ITGA11: variants seen among roughly 807,000 people sequenced by gnomAD.
ITGA11 encodes the protein integrin alpha-11.
ITGA11 carries 97 observed loss-of-function variants against 141.9 expected under a neutral mutation model. That is an observed-to-expected ratio of 0.68 (90% CI 0.58 to 0.81). The LOEUF is 0.81. Ranked by LOEUF, ITGA11 falls within the 30% of genes least tolerant of loss-of-function variation. The pLI is 0.00. For missense variants in ITGA11, 1,387 were observed against 1,559.2 expected (o/e 0.89, Z 1.86); for synonymous variants, 658 against 624.6 (o/e 1.05, Z -0.80).
At chr15:68,354,288 T>C (rs534744137) in intron 7 of ITGA11, among the ~76,000 whole-genome samples, 61 of 152,298 alleles carry the variant, frequency 4.0e-4, no homozygotes, top group Non-Finnish European at 7.6e-4. Flanking sequence ...GTGAGGCACA[T>C]AGTAGAGGCT....
In ITGA11 at chr15:68,407,614, A is replaced by C. The variant is rs575934369; in HGVS notation, c.53-4585T>G. 3.3e-5 allele frequency among the ~76,000 whole-genome samples: 5 copies of C among 152,280 alleles called. No individual in the cohort carries two copies. In the East Asian group the frequency reaches 7.7e-4, roughly 23 times the overall value. On this transcript the variant is annotated intron_variant, in intron 1 of 29. Coordinates refer to ENST00000315757, the MANE Select transcript of ITGA11 (RefSeq NM_001004439.2). ...TGGGAGCCTGGTTGGGCAGCTTGCC[A>C]CTGTTCTGCCCTTGATATTGATGAC...
At chr15:68,331,486 A>T (rs1041737299) in intron 14 of ITGA11, among the ~76,000 whole-genome samples, 1 of 151,776 alleles carries the variant, frequency 6.6e-6, no homozygotes, top group African/African-American at 2.4e-5. Context: ...TGAGGTGGGC[A>T]TGGTTTCTAG....
In ITGA11 at chr15:68,348,900, C is replaced by T. The variant is rs370530350; in HGVS notation, c.1061G>A (p.Gly354Asp). ...AAAGGAGGTCTCGTTCTTGTTGGTG[C>T]CTGCAACAGAGTGACAGAGAGATGT... ...ALGDRIFSLE[G>D]TNKNETSFGL... Residue 354 changes from glycine (G) to aspartate (D), a missense_variant and splice_region_variant, in exon 10 of 30, where the codon GGC becomes GAC. Gly to Asp is a moderately conservative substitution (Grantham distance 94). Coordinates refer to ENST00000315757, the MANE Select transcript of ITGA11 (RefSeq NM_001004439.2). The T allele has an allele frequency of 5.0e-5, 81 of 1,604,090 alleles. No individual in the cohort carries two copies. Among genetic ancestry groups the T allele is most frequent in the Non-Finnish European group, 6.6e-5 (78 of 1,175,240 alleles).
chr15:68,339,376 T>A (rs1894484004), intron 11 of ITGA11, 124 bp downstream of exon 11: 1 of 1,106,582 alleles, frequency 9.0e-7, no homozygotes, highest in South Asian at 1.5e-5. Context: ...CAGAGTTGGG[T>A]GCTTGAATCA....
rs1412044179 is a variant in ITGA11 at position 68,328,780 on chromosome 15, A to G, written c.1902-518T>C. 6.6e-6 allele frequency among the ~76,000 whole-genome samples: 1 copy of G among 152,154 alleles called. No individual in the cohort carries two copies. The highest frequency in any genetic ancestry group is 1.5e-5 in the Non-Finnish European group (1 of 68,038). ...ATTTTGATCCAATAGCTTGGCACTG[A>G]TTTTGCATTTCTAACAAGATCCCAG... On this transcript the variant is annotated intron_variant, in intron 15 of 29. Transcript: ENST00000315757. The surrounding 1 kb of genome is among the most constrained non-coding windows in gnomAD (Gnocchi z 4.8).
At chr15:68,312,889 C>G in intron 23 of ITGA11, 26 bp from the exon 24 acceptor site, 1 of 1,547,536 alleles carries the variant, frequency 6.5e-7, no homozygotes, top group Non-Finnish European at 8.9e-7. Flanking sequence ...ACAGGGCTGT[C>G]GTGAGCTCAG....
intron 2 of ITGA11, among the ~76,000 whole-genome samples, chr15:68,389,170 A>G (rs1163453631): frequency 1.3e-5 from 2 of 151,988 alleles, no homozygotes; most frequent in East Asian, 1.9e-4. Context: ...TCCGCTCTCA[A>G]TTCCCTCCAC....
intron 2 of ITGA11, among the ~76,000 whole-genome samples, chr15:68,394,858 T>C (rs1056159250): frequency 6.6e-6 from 1 of 152,136 alleles, no homozygotes; most frequent in African/African-American, 2.4e-5. Flanking sequence ...GTTACTAAAA[T>C]TAACACAAGA....
intron 5 of ITGA11, among the ~76,000 whole-genome samples, chr15:68,361,013 G>A (rs190575426): frequency 1.3e-5 from 2 of 152,270 alleles, no homozygotes; most frequent in African/African-American, 2.4e-5. Flanking sequence ...GCTTGTGGGA[G>A]GCAGGGTCTG....
chr15:68,350,672 C>A lies in ITGA11; in HGVS notation c.1005G>T (p.Glu335Asp), dbSNP rs1894878285. Residue 335 changes from glutamate to aspartate, a missense_variant, in exon 9 of 30, where the codon GAG (glutamate) becomes GAT (aspartate). Transcript: ENST00000315757. ...DDKHFFNVTDEAALKDIVDAL... is the reference protein window; with the variant it reads ...DDKHFFNVTDDAALKDIVDAL... ...CATCGACAATGTCCTTCAAGGCAGC[C>A]TCATCAGTGACATTGAAGAAGTGCT... The A allele has an allele frequency of 6.2e-7, 1 of 1,613,810 alleles. No homozygotes were observed. Among genetic ancestry groups the A allele is most frequent in the African/African-American group, 1.3e-5 (1 of 74,912 alleles).
In ITGA11 at chr15:68,307,497, C is replaced by A; in HGVS notation, c.3286-54G>T. On this transcript the variant is annotated intron_variant, in intron 27 of 29. Coordinates refer to ENST00000315757, the MANE Select transcript of ITGA11 (RefSeq NM_001004439.2). The surrounding 1 kb of genome is among the most constrained non-coding windows in gnomAD (Gnocchi z 6.1). ...TGGCTTGGAAGCTTTTCTTCCCGTC[C>A]CCTCCCCAGGCAGCCCCAGGTGGAA... 6.6e-7 allele frequency: 1 copy of A among 1,521,548 alleles called. No individual in the cohort carries two copies. 94.3% of individuals were successfully genotyped at this position (1,521,548 alleles called of 1,614,324 possible).
chr15:68,315,252 C>T (rs1162087644), intron 22 of ITGA11, among the ~76,000 whole-genome samples: 2 of 152,130 alleles, frequency 1.3e-5, no homozygotes, highest in East Asian at 1.9e-4. Flanking sequence ...CTGAGCCTCT[C>T]TTTTCTTAAC....
chr15:68,404,172 C>T (rs1013859756), intron 1 of ITGA11, among the ~76,000 whole-genome samples: 3 of 152,094 alleles, frequency 2.0e-5, no homozygotes, highest in African/African-American at 7.2e-5. Flanking sequence ...TACCGCCTCC[C>T]CTATCTGCTG....
At chr15:68,353,734 G>T (rs1595874152) in intron 7 of ITGA11, among the ~76,000 whole-genome samples, 1 of 152,010 alleles carries the variant, frequency 6.6e-6, no homozygotes, top group South Asian at 2.1e-4. Context: ...AGGCTCCATG[G>T]GCCTAGAAAC....
rs143827939 is a variant in ITGA11, at chr15:68,342,086, T to C, written c.1132-2442A>G. On this transcript the variant is annotated intron_variant, in intron 10 of 29. Transcript: ENST00000315757. The stretch of plus-strand genomic sequence containing the variant: ...TTAAGGCCACTGAAGCAAGCCTTAG[T>C]ATGTCACAATCTCTTCCCAGCTGGG... 1.3e-3 allele frequency among the ~76,000 whole-genome samples: 198 copies of C among 152,296 alleles called. 1 individual carries two copies. In the South Asian group the frequency reaches 0.029, roughly 23 times the overall value.
chr15:68,358,222 T>A (rs528041406), intron 6 of ITGA11, among the ~76,000 whole-genome samples: 1 of 152,198 alleles, frequency 6.6e-6, no homozygotes, highest in African/African-American at 2.4e-5. Flanking sequence ...TCTTCACAGG[T>A]GGTGTCTTGT....
At chr15:68,332,837 C>T (rs970264) in intron 12 of ITGA11, among the ~76,000 whole-genome samples, 130,121 of 152,166 alleles carry the variant, frequency 0.86, 55,727 homozygotes, top group South Asian at 0.91. Context: ...ATAACTACCA[C>T]GAACGTTTTA....
At chr15:68,311,865 A>G (rs1000285224) in intron 24 of ITGA11, among the ~76,000 whole-genome samples, 2 of 152,246 alleles carry the variant, frequency 1.3e-5, no homozygotes, top group African/African-American at 4.8e-5. Flanking sequence ...GCAGTGCCAC[A>G]TTCAGTGCCA....
intron 2 of ITGA11, among the ~76,000 whole-genome samples, chr15:68,376,464 C>T (rs1595883705): frequency 6.6e-6 from 1 of 152,234 alleles, no homozygotes; most frequent in South Asian, 2.1e-4. Flanking sequence ...CCCAAGGGAG[C>T]TAGGATCTTG....
Sources: allele counts gnomAD v4.1 joint callset (sites outside exome capture counted in the v4.1 genomes callset), GRCh38; gene constraint gnomAD v4.1.1; non-coding constraint Gnocchi (gnomAD v3.1); transcripts MANE v1.5; gene names NCBI Gene and HGNC (gene_info 2026-07-23, HGNC 2026-07-21).